Variants in DOCK2 observed in about 807,000 individuals in gnomAD.
The protein encoded by DOCK2 is dedicator of cytokinesis protein 2.
DOCK2 carries 87 observed loss-of-function variants against 248.9 expected under a neutral mutation model. That is an observed-to-expected ratio of 0.35 (90% CI 0.29 to 0.42). DOCK2 has a LOEUF of 0.42. Ranked by LOEUF, DOCK2 falls within the 10% of genes least tolerant of loss-of-function variation. The pLI, the probability that DOCK2 is intolerant of heterozygous loss-of-function variation, is 1.00. For synonymous variants in DOCK2, 805 were observed against 821.6 expected (o/e 0.98, Z 0.35); for missense variants, 1,747 against 2,300.2 (o/e 0.76, Z 4.92).
Position 169,695,946 on chromosome 5 carries a change from G to T in DOCK2, c.979+8G>T. 2 of 1,583,164 alleles carry T rather than the reference G, an allele frequency of 1.3e-6. No homozygotes were observed. Among genetic ancestry groups the T allele is most frequent in the Non-Finnish European group, 1.7e-6 (2 of 1,165,932 alleles). ...GGCCCTTTGGGGTGGCAGGTAAGGG[G>T]CACACTCTGCATCATTGATTTTTAT... On this transcript the variant is annotated splice_region_variant and intron_variant, in intron 10 of 51. Transcript: ENST00000520908.
intron 25 of DOCK2, among the ~76,000 whole-genome samples, chr5:169,768,161 T>C (rs1417891185): frequency 1.3e-5 from 2 of 152,172 alleles, no homozygotes; most frequent in Non-Finnish European, 2.9e-5. Flanking sequence ...CCACGGTCCG[T>C]TGGCCAGAAC....
At chr5:169,905,296 T>TTC (rs1256071853) in intron 27 of DOCK2, among the ~76,000 whole-genome samples, 1 of 149,712 alleles carries the variant, frequency 6.7e-6, no homozygotes, top group African/African-American at 2.5e-5. Context: ...AGCCAGTGTT[T>TTC]TTTTTTTTTT....
At chr5:169,744,576 ATTT>A in intron 22 of DOCK2, among the ~76,000 whole-genome samples, 1 of 151,264 alleles carries the variant, frequency 6.6e-6, no homozygotes, top group Non-Finnish European at 1.5e-5. Flanking sequence ...AGGAGAGTTT[ATTT>A]TAAAGATATT....
rs370927411 is a variant in DOCK2, at chr5:169,829,084, T to C, written c.2704-11673T>C. On this transcript the variant is annotated intron_variant, in intron 26 of 51. Transcript: ENST00000520908. ...CAGAGGCATAAATAAAAGGAAACAC[T>C]AGTTTGCGATTGGATGGGGGAGAAA... Among the ~76,000 whole-genome samples the C allele has an allele frequency of 1.7e-3, 266 of 152,068 alleles. 9 individuals carry two copies. In the South Asian group the frequency reaches 0.052, roughly 30 times the overall value.
At chr5:169,902,288 G>A (rs1349419872) in intron 27 of DOCK2, among the ~76,000 whole-genome samples, 1 of 152,202 alleles carries the variant, frequency 6.6e-6, no homozygotes, top group Non-Finnish European at 1.5e-5. Context: ...GCATCACTTG[G>A]TGGTGACTGT....
At chr5:169,846,231 G>A (rs1039455517) in intron 27 of DOCK2, among the ~76,000 whole-genome samples, 1 of 152,078 alleles carries the variant, frequency 6.6e-6, no homozygotes, top group Non-Finnish European at 1.5e-5. Flanking sequence ...ATTCTTATAC[G>A]GGATTAGTGA....
chr5:170,080,491 A>G, intron 50 of DOCK2: 5 of 710,570 alleles, frequency 7.0e-6, no homozygotes, highest in Admixed American at 3.0e-5. Flanking sequence ...AAGCTCCAGC[A>G]GGGACAGGGG....
chr5:169,676,830 G>A (rs949490335), intron 6 of DOCK2, among the ~76,000 whole-genome samples: 2 of 152,144 alleles, frequency 1.3e-5, no homozygotes, highest in African/African-American at 4.8e-5. Flanking sequence ...TTGCACACCT[G>A]GTAGGCCCCA....
chr5:170,045,162 C>T (rs1756657364), intron 38 of DOCK2, among the ~76,000 whole-genome samples: 1 of 152,128 alleles, frequency 6.6e-6, no homozygotes, highest in Non-Finnish European at 1.5e-5. Flanking sequence ...TACTTCCACA[C>T]ATCAAATAAT....
chr5:169,932,386 G>A (rs948777802), intron 27 of DOCK2, among the ~76,000 whole-genome samples: 1 of 152,170 alleles, frequency 6.6e-6, no homozygotes, highest in Non-Finnish European at 1.5e-5. Context: ...AGGGGAAAAG[G>A]CAGGTAGGTG....
At chr5:169,750,157 A>T (rs1169218562) in intron 23 of DOCK2, among the ~76,000 whole-genome samples, 5 of 152,170 alleles carry the variant, frequency 3.3e-5, no homozygotes, top group Admixed American at 1.3e-4. Flanking sequence ...TGCCCCAAAG[A>T]AGTTGAGGTG....
intron 22 of DOCK2, among the ~76,000 whole-genome samples, chr5:169,721,181 C>T (rs1581094228): frequency 6.6e-6 from 1 of 152,212 alleles, no homozygotes; most frequent in African/African-American, 2.4e-5. Context: ...GCTGCTGTGA[C>T]GTAAATGCTA....
In DOCK2 at chr5:169,903,311, T is replaced by TAA. The variant is rs142632030; in HGVS notation, c.2799+62476_2799+62477dup. On this transcript the variant is annotated intron_variant, in intron 27 of 51. Transcript: ENST00000520908. ...CTCTAAAAAACAACAACAACAACAA[T>TAA]AAAAAAAAAAAAAAAAAAGGAAAAG... Among the ~76,000 whole-genome samples, 143 of 111,056 alleles carry TAA rather than the reference T, an allele frequency of 1.3e-3. 1 individual carries two copies. Among genetic ancestry groups the TAA allele is most frequent in the South Asian group, 0.011 (37 of 3,450 alleles). The allele number at this position is 111,056 out of a possible 152,430, so 72.9% of individuals were successfully genotyped here.
chr5:170,051,507 C>T (rs139669966), intron 41 of DOCK2, among the ~76,000 whole-genome samples: 15 of 152,312 alleles, frequency 9.8e-5, no homozygotes, highest in African/African-American at 2.9e-4. Context: ...CTTGGCGTCA[C>T]CTTCTGGAAG....
In DOCK2 at chr5:169,764,407, G is replaced by T. The variant is rs961991656; in HGVS notation, c.2554+2782G>T. On this transcript the variant is annotated intron_variant, in intron 25 of 51. Transcript: ENST00000520908. The surrounding 1 kb of genome is among the most constrained non-coding windows in gnomAD (Gnocchi z 4.3). ...ACTGGTTAAGGACGGTGGTTCTTGG[G>T]TCACACTAGACCCGAGTTTACTTCC... Among the ~76,000 whole-genome samples the T allele has an allele frequency of 6.6e-6, 1 of 152,126 alleles. No individual in the cohort carries two copies. The highest frequency in any genetic ancestry group is 2.4e-5 in the African/African-American group (1 of 41,430).
At chr5:169,770,751 T>C (rs1188491686) in intron 25 of DOCK2, among the ~76,000 whole-genome samples, 1 of 152,262 alleles carries the variant, frequency 6.6e-6, no homozygotes, top group South Asian at 2.1e-4. Context: ...TTACTTAATA[T>C]TAAACTAGGA....
chr5:169,694,224 C>G (rs1158236960), intron 9 of DOCK2, among the ~76,000 whole-genome samples: 1 of 152,212 alleles, frequency 6.6e-6, no homozygotes, highest in Non-Finnish European at 1.5e-5. Flanking sequence ...CAGCTTATTC[C>G]CAGTGCATAT....
At chr5:169,907,400 T>C (rs1040858200) in intron 27 of DOCK2, among the ~76,000 whole-genome samples, 2 of 152,244 alleles carry the variant, frequency 1.3e-5, no homozygotes, top group African/African-American at 2.4e-5. Flanking sequence ...TCCTGTTTAC[T>C]CTCTGCTGGG....
chr5:170,017,052 C>A (rs1755561600), intron 32 of DOCK2, among the ~76,000 whole-genome samples: 1 of 152,208 alleles, frequency 6.6e-6, no homozygotes, highest in African/African-American at 2.4e-5. Context: ...TTCTCACTAA[C>A]TGAGGATATT....
Sources: gnomAD v4.1 joint callset for allele counts (sites outside exome capture counted in the v4.1 genomes callset) on GRCh38, gnomAD v4.1.1 for gene constraint, Gnocchi (gnomAD v3.1) non-coding constraint, MANE v1.5 for transcripts, NCBI Gene and HGNC (gene_info 2026-07-23, HGNC 2026-07-21) for gene names.